Variants in TACR1 observed in about 807,000 individuals in gnomAD.
TACR1 encodes the protein tachykinin receptor 1.
Under a neutral mutation model 35.8 loss-of-function variants are expected in TACR1, and 25 were observed. That is an observed-to-expected ratio of 0.70 (90% CI 0.51 to 0.98). The LOEUF is 0.98. Among genes scored for constraint, TACR1 ranks in the 50% least tolerant of loss-of-function variants. The probability of loss-of-function intolerance (pLI) is 0.00; values close to 1 mark genes in which losing one functional copy is unlikely to be tolerated. For synonymous variants in TACR1, 195 were observed against 206.7 expected, an observed-to-expected ratio of 0.94 and a Z score of 0.48; for missense variants, 478 against 522.9, an observed-to-expected ratio of 0.91 and a Z score of 0.84.
intron 2 of TACR1, among the ~76,000 whole-genome samples, chr2:75,089,222 C>T (rs1673254201): frequency 2.0e-5 from 3 of 152,152 alleles, no homozygotes; most frequent in Admixed American, 2.0e-4. Flanking sequence ...GAATGACTTG[C>T]CTTTTGCATA....
chr2:75,098,381 C>T (rs1379653926), intron 2 of TACR1, among the ~76,000 whole-genome samples: 1 of 152,088 alleles, frequency 6.6e-6, no homozygotes. Flanking sequence ...AATGCATAAT[C>T]AAACCAGACC....
At chr2:75,158,481 G>C (rs1306565925) in intron 1 of TACR1, among the ~76,000 whole-genome samples, 1 of 152,172 alleles carries the variant, frequency 6.6e-6, no homozygotes, top group Non-Finnish European at 1.5e-5. Context: ...AAATTAAAAT[G>C]GTCCTGGGGG....
chr2:75,151,602 G>A (rs1361866222), intron 1 of TACR1, among the ~76,000 whole-genome samples: 3 of 152,228 alleles, frequency 2.0e-5, no homozygotes, highest in Admixed American at 1.3e-4. Context: ...TGCTGCAGGG[G>A]TGGGGCCCTC....
chr2:75,187,356 T>C (rs1171586965), intron 1 of TACR1: 2 of 152,186 alleles, frequency 1.3e-5, no homozygotes, highest in African/African-American at 2.4e-5. Flanking sequence ...GTTTGACAGC[T>C]CCTGGTGACA....
intron 1 of TACR1, among the ~76,000 whole-genome samples, chr2:75,149,953 G>A (rs905292678): frequency 6.6e-5 from 10 of 152,204 alleles, no homozygotes; most frequent in African/African-American, 1.4e-4. Context: ...AGCATGAAGC[G>A]GTGTTGAATT....
At position 75,089,245 on chromosome 2, in the gene TACR1, C is replaced by G. The variant is rs535242959; in HGVS notation, c.584+31329G>C. 1.5e-3 allele frequency among the ~76,000 whole-genome samples: 221 copies of G among 152,318 alleles called. 1 individual carries two copies. Among genetic ancestry groups the G allele is most frequent in the African/African-American group, 5.3e-3 (220 of 41,580 alleles). ...TGCCTTTTGCATAAATGAGAACTTT[C>G]TTTCATTGGTAAAATCTTCTAGCTC... On this transcript the variant is annotated intron_variant, in intron 2 of 4. Coordinates refer to ENST00000305249, the MANE Select transcript of TACR1 (RefSeq NM_001058.4).
intron 1 of TACR1, among the ~76,000 whole-genome samples, chr2:75,143,692 G>A (rs565353200): frequency 6.6e-6 from 1 of 152,194 alleles, no homozygotes; most frequent in South Asian, 2.1e-4. Flanking sequence ...TATTAGGTTG[G>A]TGCAAAATAA....
At chr2:75,100,084 C>T (rs968448181) in intron 2 of TACR1, among the ~76,000 whole-genome samples, 1 of 152,166 alleles carries the variant, frequency 6.6e-6, no homozygotes, top group African/African-American at 2.4e-5. Flanking sequence ...ATGCCACCCA[C>T]ACCCCCACAC....
At position 75,198,741 on chromosome 2, in the gene TACR1, G is replaced by A. The variant is rs769905459; in HGVS notation, c.194C>T (p.Thr65Ile). ...WIILAHKRMR[T>I]VTNYFLVNLA... ...GTTCACCAGAAAATAGTTCGTCACTGTCCTCATTCTTTTGTGGGCTAAGAT... is the reference window on the plus strand; with the variant it reads ...GTTCACCAGAAAATAGTTCGTCACTATCCTCATTCTTTTGTGGGCTAAGAT... Residue 65 changes from threonine to isoleucine, a missense_variant, in exon 1 of 5, where the codon ACA becomes ATA. By Grantham distance (89) the Thr-to-Ile change is moderately conservative (BLOSUM62 -1). Transcript: ENST00000305249. 2 of 1,614,092 alleles carry A rather than the reference G, an allele frequency of 1.2e-6. No individual in the cohort carries two copies. Among genetic ancestry groups the A allele is most frequent in the East Asian group, 2.2e-5 (1 of 44,902 alleles).
At chr2:75,170,204 G>A (rs1675243412) in intron 1 of TACR1, among the ~76,000 whole-genome samples, 2 of 152,104 alleles carry the variant, frequency 1.3e-5, no homozygotes, top group South Asian at 4.2e-4. Flanking sequence ...GAGTCATGGG[G>A]ATGGGTCTTT....
intron 2 of TACR1, among the ~76,000 whole-genome samples, chr2:75,083,688 A>G (rs1673136183): frequency 6.6e-6 from 1 of 152,192 alleles, no homozygotes; most frequent in Non-Finnish European, 1.5e-5. Flanking sequence ...CTTTGAAGCA[A>G]TTGTGAATGG....
chr2:75,130,352 G>A (rs967000557), intron 1 of TACR1, among the ~76,000 whole-genome samples: 4 of 152,190 alleles, frequency 2.6e-5, no homozygotes, highest in African/African-American at 2.4e-5. Context: ...GTTGTGCTGC[G>A]TCCTGTGCCT....
intron 1 of TACR1, among the ~76,000 whole-genome samples, chr2:75,166,893 A>G (rs971041171): frequency 1.3e-5 from 2 of 152,226 alleles, no homozygotes; most frequent in Non-Finnish European, 1.5e-5. Context: ...TTTGGGTTAT[A>G]GATGCCTTAG....
intron 2 of TACR1, among the ~76,000 whole-genome samples, chr2:75,116,771 G>A (rs1287322550): frequency 2.0e-5 from 3 of 151,986 alleles, no homozygotes; most frequent in South Asian, 2.1e-4. Context: ...TTAGCTGGGC[G>A]TGGTGATGGG....
At chr2:75,095,925 C>T (rs933725555) in intron 2 of TACR1, among the ~76,000 whole-genome samples, 7 of 152,108 alleles carry the variant, frequency 4.6e-5, no homozygotes, top group African/African-American at 9.7e-5. Context: ...CTGGCCTGGG[C>T]GGGACTTACA....
intron 1 of TACR1, among the ~76,000 whole-genome samples, chr2:75,144,046 T>C (rs896707924): frequency 1.3e-5 from 2 of 152,216 alleles, no homozygotes; most frequent in Non-Finnish European, 1.5e-5. Context: ...AGGACTGTTT[T>C]CCTTGGTAAT....
rs1673950391 is a variant in TACR1 at position 75,120,678 on chromosome 2, C to T, written c.480G>A (p.Leu160=). The part of the protein sequence containing the change: ...VICVIWVLAL[L]LAFPQGYYST... Reference sequence around the variant, plus strand: ...AGTAGTAGCCCTGGGGGAAGGCCAGCAGGAGAGCCAGGACCCAGATGACAC... The same window carrying T: ...AGTAGTAGCCCTGGGGGAAGGCCAGTAGGAGAGCCAGGACCCAGATGACAC... The change falls in exon 2 of 5, where the codon CTG becomes CTA. Residue 160 remains leucine (L), a synonymous_variant. Transcript: ENST00000305249. The T allele has an allele frequency of 6.2e-7, 1 of 1,613,910 alleles. No homozygotes were observed. Among genetic ancestry groups the T allele is most frequent in the Non-Finnish European group, 8.5e-7 (1 of 1,179,994 alleles).
rs529507276 is a variant in TACR1, at chr2:75,132,499, T to G, written c.390-11731A>C. Among the ~76,000 whole-genome samples the G allele has an allele frequency of 2.5e-4, 37 of 150,864 alleles. No homozygotes were observed. In the South Asian group the frequency reaches 7.5e-3, roughly 30 times the overall value. On this transcript the variant is annotated intron_variant, in intron 1 of 4. Transcript: ENST00000305249. The stretch of plus-strand genomic sequence containing the variant: ...GTCATTCTTTATAATTTTTACTCAC[T>G]CCTCATATTGTCAGACTTCTTTTTA...
chr2:75,092,705 A>G (rs1673334993), intron 2 of TACR1, among the ~76,000 whole-genome samples: 1 of 152,160 alleles, frequency 6.6e-6, no homozygotes, highest in Admixed American at 6.6e-5. Flanking sequence ...GGAGACTCAG[A>G]GCCCCACTGG....
Sources: allele counts gnomAD v4.1 joint callset (sites outside exome capture counted in the v4.1 genomes callset), GRCh38; gene constraint gnomAD v4.1.1; transcripts MANE v1.5; gene names NCBI Gene and HGNC (gene_info 2026-07-23, HGNC 2026-07-21).